The following ADAMTS19 variants were observed in gnomAD, a reference collection of about 807,000 sequenced individuals.
ADAMTS19 encodes the protein A disintegrin and metalloproteinase with thrombospondin motifs 19.
In ADAMTS19, 93 loss-of-function variants were observed where a neutral mutation model predicts 153.3. The ratio of observed to expected loss-of-function variants is 0.61; its 90% CI spans 0.51 to 0.72. The LOEUF is 0.72. Among genes scored for constraint, ADAMTS19 ranks in the 30% least tolerant of loss-of-function variants. ADAMTS19 has a pLI of 0.00. For synonymous variants in ADAMTS19, 600 were observed against 556.6 expected (o/e 1.08, Z -1.10); for missense variants, 1,482 against 1,552.1 (o/e 0.95, Z 0.76).
chr5:129,557,595 T>C (rs958425371), intron 7 of ADAMTS19, among the ~76,000 whole-genome samples: 8 of 152,112 alleles, frequency 5.3e-5, no homozygotes, highest in African/African-American at 1.9e-4. Context: ...TGAGGCCCTG[T>C]CTCACAAAAA....
chr5:129,568,338 A>G (rs1249425683), intron 7 of ADAMTS19, among the ~76,000 whole-genome samples: 1 of 146,952 alleles, frequency 6.8e-6, no homozygotes, highest in East Asian at 2.0e-4. Flanking sequence ...TAGATTTAAT[A>G]CATAAGACAA....
intron 7 of ADAMTS19, among the ~76,000 whole-genome samples, chr5:129,572,931 G>C (rs1359669886): frequency 6.6e-6 from 1 of 151,778 alleles, no homozygotes; most frequent in Non-Finnish European, 1.5e-5. Context: ...ATTAAAGTTA[G>C]AACAAAACAA....
At chr5:129,561,270 G>A (rs1314429797) in intron 7 of ADAMTS19, among the ~76,000 whole-genome samples, 1 of 152,066 alleles carries the variant, frequency 6.6e-6, no homozygotes, top group African/African-American at 2.4e-5. Flanking sequence ...ATGTTATTAC[G>A]GTTGACCTGT....
At chr5:129,466,519 T>G (rs1580976378) in intron 2 of ADAMTS19, among the ~76,000 whole-genome samples, 1 of 152,130 alleles carries the variant, frequency 6.6e-6, no homozygotes, top group East Asian at 1.9e-4. Context: ...ACTGAAATTA[T>G]ATTTTTGTTA....
chr5:129,469,798 C>T (rs75652018), intron 2 of ADAMTS19, among the ~76,000 whole-genome samples: 1,549 of 152,260 alleles, frequency 0.01, 21 homozygotes, highest in African/African-American at 0.034. Flanking sequence ...AGTAAGTACT[C>T]AATCTCTCCT....
chr5:129,643,907 A>G (rs1752938911), intron 11 of ADAMTS19, among the ~76,000 whole-genome samples: 1 of 152,202 alleles, frequency 6.6e-6, no homozygotes, highest in Admixed American at 6.5e-5. Context: ...CATCCCTGAA[A>G]CACAAAAGCA....
chr5:129,652,329 T>C (rs1753351781), intron 13 of ADAMTS19, among the ~76,000 whole-genome samples: 1 of 152,224 alleles, frequency 6.6e-6, no homozygotes, highest in African/African-American at 2.4e-5. Context: ...AAAATACAAG[T>C]GGCTGTATCT....
At chr5:129,547,371 T>G (rs1307273540) in intron 6 of ADAMTS19, among the ~76,000 whole-genome samples, 1 of 150,894 alleles carries the variant, frequency 6.6e-6, no homozygotes, top group Non-Finnish European at 1.5e-5. Context: ...AAAGCCCATT[T>G]CAAAATTCGG....
At position 129,502,654 on chromosome 5, in the gene ADAMTS19, T is replaced by C. The variant is rs148878175; in HGVS notation, c.748-6423T>C. ...ACTTGGGCACACAAGGAAGCCAACA[T>C]TGGAAATGCCCAGTGGAAGAAATAA... On this transcript the variant is annotated intron_variant, in intron 2 of 22. Coordinates refer to ENST00000274487, the MANE Select transcript of ADAMTS19 (RefSeq NM_133638.6). Among the ~76,000 whole-genome samples, 7 of 152,334 alleles carry C rather than the reference T, an allele frequency of 4.6e-5. 1 individual carries two copies. The South Asian group carries it at 8.3e-4, about 18-fold the overall frequency.
At chr5:129,613,954 T>G (rs1472918836) in intron 8 of ADAMTS19, among the ~76,000 whole-genome samples, 1 of 152,178 alleles carries the variant, frequency 6.6e-6, no homozygotes, top group African/African-American at 2.4e-5. Flanking sequence ...AATAAATTCC[T>G]GGACACATAC....
chr5:129,468,585 C>T (rs896170394), intron 2 of ADAMTS19, among the ~76,000 whole-genome samples: 2 of 151,960 alleles, frequency 1.3e-5, no homozygotes, highest in African/African-American at 2.4e-5. Flanking sequence ...ATCTCTTGAC[C>T]TCATGATCCG....
rs571754807 is a variant in ADAMTS19 at position 129,662,052 on chromosome 5, A to G, written c.2425+3315A>G. On this transcript the variant is annotated intron_variant, in intron 15 of 22. Coordinates refer to ENST00000274487, the MANE Select transcript of ADAMTS19 (RefSeq NM_133638.6). ...TTTTTTCCTCTATCTTTATTTTCTC[A>G]TCATACTAAATTAGAAGTGTAATAT... Among the ~76,000 whole-genome samples, 203 of 152,304 alleles carry G rather than the reference A, an allele frequency of 1.3e-3. 1 individual carries two copies. The highest frequency in any genetic ancestry group is 4.4e-3 in the African/African-American group (183 of 41,580).
At position 129,737,424 on chromosome 5, in the gene ADAMTS19, T is replaced by G; in HGVS notation, c.*206T>G. On this transcript the variant is annotated 3_prime_UTR_variant, in exon 23 of 23. Transcript: ENST00000274487. Reference sequence around the variant, plus strand: ...TATACTATATGGCTTCATAAATAATTTTATATGAATGAATTAGTTGGATCC... The same window carrying G: ...TATACTATATGGCTTCATAAATAATGTTATATGAATGAATTAGTTGGATCC... The G allele has an allele frequency of 2.8e-6, 1 of 354,304 alleles. No individual in the cohort carries two copies. Among genetic ancestry groups the G allele is most frequent in the Non-Finnish European group, 4.7e-6 (1 of 210,986 alleles). The allele number at this position is 354,304 out of a possible 1,614,324, so 21.9% of individuals were successfully genotyped here. A position where few individuals can be genotyped will look rare whatever the true frequency, so the allele number is the denominator to read the frequency against.
intron 2 of ADAMTS19, among the ~76,000 whole-genome samples, chr5:129,499,264 GC>G (rs1334039026): frequency 6.6e-6 from 1 of 151,992 alleles, no homozygotes; most frequent in Non-Finnish European, 1.5e-5. Flanking sequence ...TTGATATTGA[GC>G]AAAAATTAGA....
chr5:129,710,048 G>A (rs1756368414), intron 21 of ADAMTS19, among the ~76,000 whole-genome samples: 1 of 151,838 alleles, frequency 6.6e-6, no homozygotes, highest in Admixed American at 6.6e-5. Context: ...GTGCCATACT[G>A]GTTTGCCGCA....
At chr5:129,678,237 T>C (rs933161161) in intron 16 of ADAMTS19, among the ~76,000 whole-genome samples, 1 of 152,196 alleles carries the variant, frequency 6.6e-6, no homozygotes, top group African/African-American at 2.4e-5. Flanking sequence ...ATGGGTCTCC[T>C]GGTCCTGGTC....
At chr5:129,548,377 G>A (rs1752939812) in intron 6 of ADAMTS19, among the ~76,000 whole-genome samples, 1 of 149,816 alleles carries the variant, frequency 6.7e-6, no homozygotes, top group South Asian at 2.1e-4. Context: ...GATATGAACA[G>A]ACACTTCTCA....
intron 19 of ADAMTS19, among the ~76,000 whole-genome samples, chr5:129,697,284 A>G (rs146375555): frequency 1.3e-5 from 2 of 152,164 alleles, no homozygotes; most frequent in East Asian, 3.9e-4. Flanking sequence ...CTTTCATATA[A>G]TGGTCTGAAC....
chr5:129,724,002 T>C (rs1757108283), intron 21 of ADAMTS19, among the ~76,000 whole-genome samples: 1 of 152,202 alleles, frequency 6.6e-6, no homozygotes, highest in African/African-American at 2.4e-5. Flanking sequence ...GGAGTGTGTC[T>C]AGGTTAAGAT....
Sources: allele counts gnomAD v4.1 joint callset (sites outside exome capture counted in the v4.1 genomes callset), GRCh38; gene constraint gnomAD v4.1.1; transcripts MANE v1.5; gene names NCBI Gene and HGNC (gene_info 2026-07-23, HGNC 2026-07-21).